UBE3C: variants seen among roughly 807,000 people sequenced by gnomAD.
UBE3C encodes ubiquitin-protein ligase E3C.
Under a neutral mutation model 129.4 loss-of-function variants are expected in UBE3C, and 42 were observed. The ratio of observed to expected loss-of-function variants is 0.32; its 90% CI spans 0.25 to 0.42. The LOEUF (loss-of-function observed/expected upper bound fraction) is 0.42. Among genes scored for constraint, UBE3C ranks in the 10% least tolerant of loss-of-function variants. The pLI is 1.00. For synonymous variants in UBE3C, 510 were observed against 492.4 expected, an observed-to-expected ratio of 1.04 and a Z score of -0.47; for missense variants, 1,049 against 1,319.1, an observed-to-expected ratio of 0.80 and a Z score of 3.17.
chr7:157,169,874 G>A (rs994452654), intron 3 of UBE3C, among the ~76,000 whole-genome samples: 2 of 152,200 alleles, frequency 1.3e-5, no homozygotes, highest in African/African-American at 4.8e-5. Flanking sequence ...AGTAGAGATG[G>A]CGTTTCACCA....
Position 157,220,756 on chromosome 7 carries a change from C to T in UBE3C, c.1982C>T (p.Pro661Leu), listed in dbSNP as rs767257348. 3 of 1,614,148 alleles carry T rather than the reference C, an allele frequency of 1.9e-6. No individual in the cohort carries two copies. The highest frequency in any genetic ancestry group is 2.2e-5 in the South Asian group (2 of 91,088). Residue 661 changes from proline to leucine, a missense_variant, in exon 15 of 23, where the codon CCG (proline) becomes CTG (leucine). Transcript: ENST00000348165. The part of the protein sequence containing the change: ...WRFRRMGRIG[P>L]LQSTLDVGLE... Reference sequence around the variant, plus strand: ...TTCCGGCGGATGGGGAGGATAGGCCCGCTGCAGTCCACCCTGGACGGTGAG... The same window carrying T: ...TTCCGGCGGATGGGGAGGATAGGCCTGCTGCAGTCCACCCTGGACGGTGAG...
chr7:157,216,043 G>A (rs976187604), intron 13 of UBE3C, among the ~76,000 whole-genome samples: 1 of 152,158 alleles, frequency 6.6e-6, no homozygotes, highest in Non-Finnish European at 1.5e-5. Context: ...AAGCTGTGAT[G>A]ACATAGTGAA....
At chr7:157,262,408 G>GTTTTTTTTTT (rs1247521634) in intron 22 of UBE3C, among the ~76,000 whole-genome samples, 1 of 19,708 alleles carries the variant, frequency 5.1e-5, no homozygotes, top group African/African-American at 1.2e-4. Context: ...CTCTTCATAG[G>GTTTTTTTTTT]CTTTTTTTTT....
At chr7:157,212,371 T>G (rs185647048) in intron 13 of UBE3C, among the ~76,000 whole-genome samples, 19 of 152,360 alleles carry the variant, frequency 1.2e-4, no homozygotes, top group Admixed American at 4.6e-4. Flanking sequence ...CAATACTATA[T>G]CTAAATATCC....
At chr7:157,169,930 C>T (rs185965472) in intron 3 of UBE3C, among the ~76,000 whole-genome samples, 142 of 151,706 alleles carry the variant, frequency 9.4e-4, no homozygotes, top group African/African-American at 3.3e-3. Flanking sequence ...GTGATCCACC[C>T]ACCTCGGCCT....
Position 157,166,985 on chromosome 7 carries a change from A to T in UBE3C, c.121-2063A>T, listed in dbSNP as rs182445295. 9.4e-3 allele frequency among the ~76,000 whole-genome samples: 1,421 copies of T among 151,912 alleles called. 21 individuals carry two copies. The highest frequency in any genetic ancestry group is 0.032 in the African/African-American group (1,316 of 41,406). On this transcript the variant is annotated intron_variant, in intron 2 of 22. Transcript: ENST00000348165. ...TGCTCTGTCACCCAGGCTGGAGTGC[A>T]GTGACATGATCTCAGCTCACTGCAA...
At chr7:157,212,103 T>C (rs936210734) in intron 13 of UBE3C, among the ~76,000 whole-genome samples, 3 of 152,224 alleles carry the variant, frequency 2.0e-5, no homozygotes, top group African/African-American at 7.2e-5. Flanking sequence ...ATTGCACATT[T>C]ATTGCACTTC....
At chr7:157,242,386 G>T (rs1447464751) in intron 18 of UBE3C, among the ~76,000 whole-genome samples, 1 of 152,184 alleles carries the variant, frequency 6.6e-6, no homozygotes, top group Admixed American at 6.5e-5. Context: ...TGGCTCGACA[G>T]ATTTCTAGTC....
intron 18 of UBE3C, among the ~76,000 whole-genome samples, chr7:157,237,943 T>G (rs1014357441): frequency 7.3e-5 from 11 of 151,378 alleles, no homozygotes; most frequent in African/African-American, 2.4e-4. Flanking sequence ...TCCCAGCTAC[T>G]TGGGAGGCTG....
At position 157,220,741 on chromosome 7, in the gene UBE3C, T is replaced by C; in HGVS notation, c.1967T>C (p.Met656Thr). ...ASRHVWRFRRMGRIGPLQSTL... is the reference protein window; with the variant it reads ...ASRHVWRFRRTGRIGPLQSTL... ...AGACATGTGTGGAGGTTCCGGCGGA[T>C]GGGGAGGATAGGCCCGCTGCAGTCC... Residue 656 changes from methionine (M) to threonine (T), a missense_variant, in exon 15 of 23, where the codon ATG (methionine) becomes ACG (threonine). Around this residue, in one of 4 missense-constraint regions of UBE3C, gnomAD observed 314 missense variants for 416.9 expected, o/e 0.75. Transcript: ENST00000348165. 6.2e-7 allele frequency: 1 copy of C among 1,614,158 alleles called. No homozygotes were observed. The highest frequency in any genetic ancestry group is 8.5e-7 in the Non-Finnish European group (1 of 1,180,002).
At chr7:157,240,192 C>T (rs1335633986) in intron 18 of UBE3C, among the ~76,000 whole-genome samples, 4 of 152,050 alleles carry the variant, frequency 2.6e-5, no homozygotes, top group Non-Finnish European at 5.9e-5. Flanking sequence ...GTAACTGGGA[C>T]TACGGACACC....
Position 157,232,419 on chromosome 7 carries a change from C to T in UBE3C, c.2481+1092C>T, listed in dbSNP as rs1165069854. ...TGTTGCCCAGGCTGGAGTGCTGTGG[C>T]GCCATCTCTGCTCACTGCAAACTCC... is the stretch of plus-strand genomic sequence containing the variant. On this transcript the variant is annotated intron_variant, in intron 18 of 22. Transcript: ENST00000348165. 1.1e-4 allele frequency among the ~76,000 whole-genome samples: 16 copies of T among 152,158 alleles called. No homozygotes were observed. In the East Asian group the frequency reaches 1.4e-3, roughly 13 times the overall value.
intron 9 of UBE3C, among the ~76,000 whole-genome samples, chr7:157,185,550 A>G (rs1181842152): frequency 6.6e-6 from 1 of 152,150 alleles, no homozygotes; most frequent in Admixed American, 6.5e-5. Flanking sequence ...ACTGCAAGTC[A>G]TTCTTTCTTT....
Position 157,253,962 on chromosome 7 carries a change from A to G in UBE3C, c.2703A>G (p.Glu901=). The G allele has an allele frequency of 6.3e-7, 1 of 1,582,802 alleles. No individual in the cohort carries two copies. Residue 901 remains glutamate (E), a synonymous_variant, in exon 20 of 23, where the codon GAA becomes GAG. Coordinates refer to ENST00000348165, the MANE Select transcript of UBE3C (RefSeq NM_014671.3). ...ACGTTTTGTATTCCCAGGTAGTTGA[A>G]CTAAAATTCGGTGGGAAAGACATCC... ...NNDLGEAQVV[E]LKFGGKDIPV...
chr7:157,257,673 G>A (rs1796786012), intron 22 of UBE3C, among the ~76,000 whole-genome samples: 1 of 141,972 alleles, frequency 7.0e-6, no homozygotes, highest in South Asian at 2.2e-4. Flanking sequence ...GGAGGTGGAG[G>A]TTGCAGTGAG....
At chr7:157,191,861 T>A (rs1421433308) in intron 10 of UBE3C, among the ~76,000 whole-genome samples, 4 of 152,224 alleles carry the variant, frequency 2.6e-5, no homozygotes, top group Admixed American at 2.6e-4. Flanking sequence ...ATATTGAGGA[T>A]GTGCCTGGAG....
chr7:157,179,239 A>G (rs1045476157), intron 6 of UBE3C, among the ~76,000 whole-genome samples: 8 of 152,042 alleles, frequency 5.3e-5, no homozygotes, highest in African/African-American at 1.4e-4. Flanking sequence ...AATGCCACCA[A>G]TGTATGAGTT....
chr7:157,174,800 C>A, intron 4 of UBE3C, 119 bp from the exon 5 acceptor site: 1 of 673,194 alleles, frequency 1.5e-6, no homozygotes, highest in Non-Finnish European at 2.4e-6. Flanking sequence ...TCTTAACCAT[C>A]TTTTGATTAG....
intron 2 of UBE3C, 55 bp downstream of exon 2, chr7:157,163,918 A>G (rs1808143601): frequency 6.4e-7 from 1 of 1,557,992 alleles, no homozygotes; most frequent in Non-Finnish European, 8.8e-7. Context: ...CAGCATTTAA[A>G]CATGCCTTGG....
Sources: allele counts gnomAD v4.1 joint callset (sites outside exome capture counted in the v4.1 genomes callset), GRCh38; gene constraint gnomAD v4.1.1; regional missense constraint gnomAD v4.1.1; transcripts MANE v1.5; gene names NCBI Gene and HGNC (gene_info 2026-07-23, HGNC 2026-07-21).